MRC1: variants seen among roughly 807,000 people sequenced by gnomAD.
MRC1 encodes the protein mannose receptor C-type 1.
A neutral mutation model predicts 102.9 loss-of-function variants in MRC1; 62 were observed. That is an observed-to-expected ratio of 0.60 (90% CI 0.49 to 0.74). The LOEUF (loss-of-function observed/expected upper bound fraction) is 0.74. Ranked by LOEUF, MRC1 falls within the 30% of genes least tolerant of loss-of-function variation. The pLI, the probability that MRC1 is intolerant of heterozygous loss-of-function variation, is 0.00. For synonymous variants in MRC1, 457 were observed against 298.4 expected, an observed-to-expected ratio of 1.53 and a Z score of -5.48; for missense variants, 1,237 against 862.8, an observed-to-expected ratio of 1.43 and a Z score of -5.43.
chr10:17,834,919 G>A (rs1040393405), intron 4 of MRC1, among the ~76,000 whole-genome samples: 6 of 152,030 alleles, frequency 3.9e-5, no homozygotes, highest in African/African-American at 7.2e-5. Context: ...TTCTGGACAC[G>A]GCTATATTAA....
At chr10:17,836,023 T>C (rs1235953282) in intron 4 of MRC1, among the ~76,000 whole-genome samples, 1 of 152,222 alleles carries the variant, frequency 6.6e-6, no homozygotes, top group Non-Finnish European at 1.5e-5. Context: ...CCAGACTGCC[T>C]AGGTCCCAGC....
At chr10:17,855,275 G>A (rs1833069233) in intron 8 of MRC1, among the ~76,000 whole-genome samples, 1 of 152,088 alleles carries the variant, frequency 6.6e-6, no homozygotes, top group African/African-American at 2.4e-5. Context: ...AGGGATTGAT[G>A]AAGACGCTGC....
chr10:17,864,988 C>G (rs1285526542), intron 11 of MRC1, among the ~76,000 whole-genome samples: 1 of 152,136 alleles, frequency 6.6e-6, no homozygotes, highest in Non-Finnish European at 1.5e-5. Context: ...TTTTGATTTA[C>G]CCTCCCTAGT....
chr10:17,844,710 T>A (rs1393693620), intron 5 of MRC1, among the ~76,000 whole-genome samples: 2 of 149,240 alleles, frequency 1.3e-5, no homozygotes, highest in African/African-American at 4.9e-5. Flanking sequence ...TAGCTAGTTT[T>A]CCAAACTTTG....
intron 12 of MRC1, 38 bp from the exon 13 acceptor site, chr10:17,870,207 CA>C: frequency 1.3e-6 from 1 of 764,188 alleles, no homozygotes; most frequent in Non-Finnish European, 2.4e-6. Flanking sequence ...TGATAAACTA[CA>C]AAGCATAAAA....
At chr10:17,873,171 A>G (rs1407237293) in intron 15 of MRC1, among the ~76,000 whole-genome samples, 1 of 152,344 alleles carries the variant, frequency 6.6e-6, no homozygotes, top group East Asian at 1.9e-4. Flanking sequence ...CAGATATATC[A>G]TTAACTAATT....
intron 12 of MRC1, 28 bp from the exon 13 acceptor site, chr10:17,870,218 A>G: frequency 2.6e-6 from 2 of 769,364 alleles, no homozygotes; most frequent in Non-Finnish European, 4.8e-6. Context: ...AAAGCATAAA[A>G]TAATTTTTGT....
At chr10:17,869,379 G>A (rs1833322420) in intron 12 of MRC1, among the ~76,000 whole-genome samples, 2 of 152,288 alleles carry the variant, frequency 1.3e-5, no homozygotes, top group Non-Finnish European at 2.9e-5. Flanking sequence ...GGGTCAAGGT[G>A]AAGGTTGTCT....
intron 26 of MRC1, among the ~76,000 whole-genome samples, chr10:17,903,382 CTTTTTTTTTCTTTTTTTTTTT>C (rs1833854338): frequency 8.0e-6 from 1 of 125,052 alleles, no homozygotes; most frequent in East Asian, 2.3e-4. Flanking sequence ...TTTTTCTTTT[CTTTTTTTTTCTTTTTTTTTTT>C]TTTTTTTTTT....
Position 17,861,804 on chromosome 10 carries a change from A to G in MRC1, c.1634+302A>G, listed in dbSNP as rs958216367. On this transcript the variant is annotated intron_variant, in intron 10 of 29. Coordinates refer to ENST00000569591, the MANE Select transcript of MRC1 (RefSeq NM_002438.4). ...CATTCGACGTTGAATTTTTTAAAGCAGGAAAGTAACTAAAAGTTGCCGGCT... is the reference window on the plus strand; with the variant it reads ...CATTCGACGTTGAATTTTTTAAAGCGGGAAAGTAACTAAAAGTTGCCGGCT... Among the ~76,000 whole-genome samples, 8 of 152,320 alleles carry G rather than the reference A, an allele frequency of 5.3e-5. No homozygotes were observed. The East Asian group carries it at 7.7e-4, about 15-fold the overall frequency.
rs949301292 is a variant in MRC1 at position 17,855,606 on chromosome 10, A to T, written c.1408-636A>T. ...AAAAAAAAAAAAAAAAAGAGGCTGC[A>T]TGCAAACCTCTTGCGAGCACCGTCA... On this transcript the variant is annotated intron_variant, in intron 8 of 29. Coordinates refer to ENST00000569591, the MANE Select transcript of MRC1 (RefSeq NM_002438.4). 3.0e-3 allele frequency among the ~76,000 whole-genome samples: 439 copies of T among 144,892 alleles called. 14 individuals carry two copies. The South Asian group carries it at 0.076, about 25-fold the overall frequency.
intron 5 of MRC1, among the ~76,000 whole-genome samples, chr10:17,842,263 G>A (rs1589173122): frequency 1.3e-5 from 2 of 152,090 alleles, no homozygotes; most frequent in South Asian, 2.1e-4. Context: ...TGCGCCTGGC[G>A]AAAATCTCCA....
rs1195247880 is a variant in MRC1, at chr10:17,809,375, T to C, written c.-91T>C. 8 of 833,112 alleles carry C rather than the reference T, an allele frequency of 9.6e-6. No individual in the cohort carries two copies. The highest frequency in any genetic ancestry group is 1.7e-5 in the Non-Finnish European group (8 of 466,372). The allele number at this position is 833,112 out of a possible 1,614,324, so 51.6% of individuals were successfully genotyped here. A position where few individuals can be genotyped will look rare whatever the true frequency, so the allele number is the denominator to read the frequency against. Reference sequence around the variant, plus strand: ...GCTGGGCAGCTCTGGGAACTTGGATTAGGTGGAGAGGCAGTTGGGGGGCCT... The same window carrying C: ...GCTGGGCAGCTCTGGGAACTTGGATCAGGTGGAGAGGCAGTTGGGGGGCCT... On this transcript the variant is annotated 5_prime_UTR_variant, in exon 1 of 30. Transcript: ENST00000569591.
chr10:17,829,697 C>T (rs1174514853), intron 3 of MRC1, among the ~76,000 whole-genome samples: 2 of 151,490 alleles, frequency 1.3e-5, no homozygotes, highest in African/African-American at 2.5e-5. Flanking sequence ...TTTTCTTAAT[C>T]TGTTTCATGG....
At chr10:17,897,565 A>G (rs1393722143) in intron 23 of MRC1, among the ~76,000 whole-genome samples, 1 of 152,340 alleles carries the variant, frequency 6.6e-6, no homozygotes, top group South Asian at 2.1e-4. Context: ...ATTACTCACA[A>G]GTGAAGTCAA....
At chr10:17,856,932 TA>T (rs1465880501) in intron 9 of MRC1, among the ~76,000 whole-genome samples, 2 of 152,174 alleles carry the variant, frequency 1.3e-5, no homozygotes, top group Admixed American at 6.5e-5. Flanking sequence ...AATAGTTTTT[TA>T]AAGCACACAG....
Position 17,886,471 on chromosome 10 carries a change from C to T in MRC1, c.3147+1036C>T, listed in dbSNP as rs1005006899. Among the ~76,000 whole-genome samples, 12 of 152,120 alleles carry T rather than the reference C, an allele frequency of 7.9e-5. No individual in the cohort carries two copies. The East Asian group carries it at 2.1e-3, about 27-fold the overall frequency. On this transcript the variant is annotated intron_variant, in intron 22 of 29. Transcript: ENST00000569591. ...AGGCTGGAGTGCAGTGGCATGATCT[C>T]GGCTCACTGCAATCTCCACCTCCCA... is the stretch of plus-strand genomic sequence containing the variant.
intron 24 of MRC1, 96 bp downstream of exon 24, chr10:17,898,362 G>C: frequency 1.3e-6 from 1 of 776,730 alleles, no homozygotes; most frequent in African/African-American, 1.7e-5. Context: ...CTCATTATGT[G>C]TAAGAGACTG....
intron 6 of MRC1, among the ~76,000 whole-genome samples, chr10:17,846,421 A>C (rs1838826908): frequency 6.6e-6 from 1 of 152,144 alleles, no homozygotes; most frequent in Non-Finnish European, 1.5e-5. Flanking sequence ...CTGCTGGAGG[A>C]AACTGACAAT....
Sources: gnomAD v4.1 joint callset for allele counts (sites outside exome capture counted in the v4.1 genomes callset) on GRCh38, gnomAD v4.1.1 for gene constraint, MANE v1.5 for transcripts, NCBI Gene and HGNC (gene_info 2026-07-23, HGNC 2026-07-21) for gene names.